WFDC10B: variants seen among roughly 807,000 people sequenced by gnomAD.
WFDC10B encodes WAP four-disulfide core domain 10B.
In WFDC10B, 1 loss-of-function variant was observed where a neutral mutation model predicts 2.7. That is an observed-to-expected ratio of 0.38 (90% CI 0.13 to 1.79). The LOEUF is 1.79. Among genes scored for constraint, WFDC10B ranks in the 40% most tolerant of loss-of-function variants. The pLI, the probability that WFDC10B is intolerant of heterozygous loss-of-function variation, is 0.33. For missense variants in WFDC10B, 71 were observed against 87.8 expected (o/e 0.81, Z 0.76); for synonymous variants, 26 against 32.2 (o/e 0.81, Z 0.65).
At chr20:45,700,891 A>T (rs543885013) in intron 2 of WFDC10B, among the ~76,000 whole-genome samples, 1 of 152,356 alleles carries the variant, frequency 6.6e-6, no homozygotes, top group East Asian at 1.9e-4. Flanking sequence ...CCTATGATAA[A>T]CACTGAAGAG....
intron 1 of WFDC10B, 102 bp from the exon 2 acceptor site, chr20:45,704,663 A>G: frequency 4.5e-6 from 7 of 1,566,624 alleles, no homozygotes; most frequent in Non-Finnish European, 6.0e-6. Flanking sequence ...AGAGTCCCTT[A>G]CCAGCAACTG....
At chr20:45,693,972 C>G (rs1983903312) in intron 2 of WFDC10B, among the ~76,000 whole-genome samples, 1 of 152,156 alleles carries the variant, frequency 6.6e-6, no homozygotes, top group Non-Finnish European at 1.5e-5. Context: ...GCCATCTTGG[C>G]TCCTCCTCCT....
intron 2 of WFDC10B, among the ~76,000 whole-genome samples, chr20:45,689,390 A>G (rs1224962380): frequency 6.6e-6 from 1 of 151,732 alleles, no homozygotes; most frequent in African/African-American, 2.4e-5. Context: ...AGTCATTGGT[A>G]GCTTGATGGG....
chr20:45,687,552 G>T (rs1983661062), intron 2 of WFDC10B, among the ~76,000 whole-genome samples: 1 of 152,100 alleles, frequency 6.6e-6, no homozygotes, highest in African/African-American at 2.4e-5. Flanking sequence ...GGGTCAAATG[G>T]TATTTCTGGT....
intron 2 of WFDC10B, among the ~76,000 whole-genome samples, chr20:45,689,392 C>T (rs1284394010): frequency 7.5e-4 from 113 of 151,476 alleles, no homozygotes; most frequent in African/African-American, 2.0e-3. Context: ...TCATTGGTAG[C>T]TTGATGGGGA....
At chr20:45,692,089 C>T (rs1983830677) in intron 2 of WFDC10B, among the ~76,000 whole-genome samples, 1 of 152,154 alleles carries the variant, frequency 6.6e-6, no homozygotes, top group Admixed American at 6.5e-5. Flanking sequence ...TTCTCCTTCA[C>T]TTATGAAGCT....
intron 2 of WFDC10B, among the ~76,000 whole-genome samples, chr20:45,690,771 C>G (rs1362354561): frequency 6.6e-6 from 1 of 151,706 alleles, no homozygotes; most frequent in South Asian, 2.1e-4. Flanking sequence ...TTTTGTTGAT[C>G]CTTTCAAAAA....
At chr20:45,684,995 T>A (rs115589518) in intron 3 of WFDC10B, 35 bp from the exon 4 acceptor site, 13 of 1,612,458 alleles carry the variant, frequency 8.1e-6, no homozygotes, top group Non-Finnish European at 1.1e-5. Flanking sequence ...AATGAAACCA[T>A]GCACCTATAG....
intron 2 of WFDC10B, chr20:45,702,227 G>T: frequency 6.2e-7 from 1 of 1,607,066 alleles, no homozygotes. Flanking sequence ...TGCTGGATCT[G>T]GGCCCAAGGA....
Position 45,686,062 on chromosome 20 carries a change from G to C in WFDC10B, c.-64-6C>G. The C allele has an allele frequency of 1.3e-5, 20 of 1,564,576 alleles. No homozygotes were observed. Among genetic ancestry groups the C allele is most frequent in the Admixed American group, 1.9e-5 (1 of 52,646 alleles). On this transcript the variant is annotated splice_region_variant and splice_polypyrimidine_tract_variant and intron_variant, in intron 2 of 3. Coordinates refer to ENST00000330523, the MANE Select transcript of WFDC10B (RefSeq NM_172006.2). Reference sequence around the variant, plus strand: ...AGACTTCCCTGCAGAGCTGCCTGTGGAGAGGGAAGGAAATAAAGAAGGAAT... The same window carrying C: ...AGACTTCCCTGCAGAGCTGCCTGTGCAGAGGGAAGGAAATAAAGAAGGAAT...
chr20:45,688,608 T>C (rs1261648346), intron 2 of WFDC10B, among the ~76,000 whole-genome samples: 2 of 152,152 alleles, frequency 1.3e-5, no homozygotes, highest in Non-Finnish European at 2.9e-5. Flanking sequence ...GTGAGCATTT[T>C]TTCATGTGTT....
At chr20:45,704,322 C>G in intron 2 of WFDC10B, 175 bp downstream of exon 2, 1 of 1,375,620 alleles carries the variant, frequency 7.3e-7, no homozygotes, top group Non-Finnish European at 9.8e-7. Flanking sequence ...ATGCCACCAC[C>G]CTGGAACCAT....
At chr20:45,693,811 C>A (rs1432528391) in intron 2 of WFDC10B, among the ~76,000 whole-genome samples, 1 of 152,246 alleles carries the variant, frequency 6.6e-6, no homozygotes, top group Admixed American at 6.5e-5. Flanking sequence ...ACTGCTTCGG[C>A]TTGCGCACGG....
chr20:45,699,915 G>T (rs1431280618), intron 2 of WFDC10B, among the ~76,000 whole-genome samples: 1 of 152,220 alleles, frequency 6.6e-6, no homozygotes, highest in Non-Finnish European at 1.5e-5. Context: ...CTGACATCAT[G>T]ATCTGCCCTC....
intron 2 of WFDC10B, among the ~76,000 whole-genome samples, chr20:45,687,217 C>T (rs1983648862): frequency 6.6e-6 from 1 of 152,072 alleles, no homozygotes; most frequent in Non-Finnish European, 1.5e-5. Context: ...TCTCATTGTT[C>T]AGCTCCCACT....
intron 2 of WFDC10B, among the ~76,000 whole-genome samples, chr20:45,698,833 T>TG (rs1984054785): frequency 6.6e-6 from 1 of 151,614 alleles, no homozygotes; most frequent in Non-Finnish European, 1.5e-5. Context: ...CAGGTGTGGG[T>TG]GGCAGGCGCC....
chr20:45,704,468 G>C, intron 2 of WFDC10B, 29 bp downstream of exon 2: 1 of 1,613,956 alleles, frequency 6.2e-7, no homozygotes, highest in South Asian at 1.1e-5. Flanking sequence ...CCTCCACCCT[G>C]CATATCAGCA....
intron 2 of WFDC10B, 98 bp downstream of exon 2, chr20:45,704,399 C>T (rs1432363354): frequency 6.3e-7 from 1 of 1,583,014 alleles, no homozygotes; most frequent in Non-Finnish European, 8.6e-7. Flanking sequence ...GAACATTACT[C>T]CAGCCTGTTG....
intron 2 of WFDC10B, among the ~76,000 whole-genome samples, chr20:45,693,398 CT>C (rs1277860086): frequency 1.3e-5 from 2 of 152,196 alleles, no homozygotes; most frequent in Admixed American, 6.5e-5. Flanking sequence ...GAAGTTACTG[CT>C]GTCTTTGTTT....
Sources: gnomAD v4.1 joint callset for allele counts (sites outside exome capture counted in the v4.1 genomes callset) on GRCh38, gnomAD v4.1.1 for gene constraint, MANE v1.5 for transcripts, NCBI Gene and HGNC (gene_info 2026-07-23, HGNC 2026-07-21) for gene names.